PTPRB: variants seen among roughly 807,000 people sequenced by gnomAD.
PTPRB encodes the protein protein tyrosine phosphatase receptor type B, also known as receptor-type tyrosine-protein phosphatase beta.
A neutral mutation model predicts 238.1 loss-of-function variants in PTPRB; 97 were observed. That is an observed-to-expected ratio of 0.41 (90% CI 0.35 to 0.48). The LOEUF (loss-of-function observed/expected upper bound fraction) is 0.48. PTPRB is among the 20% of genes least tolerant of loss of function. The pLI is 0.30. For synonymous variants in PTPRB, 970 were observed against 995.4 expected (o/e 0.97, Z 0.48); for missense variants, 2,292 against 2,681.9 (o/e 0.85, Z 3.21).
intron 4 of PTPRB, 27 bp from the exon 5 acceptor site, chr12:70,596,354 C>CAA (rs58070382): frequency 0.011 from 11,758 of 1,112,858 alleles, 12 homozygotes; most frequent in African/African-American, 0.014. Flanking sequence ...CACACACACA[C>CAA]AAAAAAAAAA....
At chr12:70,585,795 C>T (rs1020405440) in intron 9 of PTPRB, among the ~76,000 whole-genome samples, 2 of 151,832 alleles carry the variant, frequency 1.3e-5, no homozygotes, top group African/African-American at 2.4e-5. Context: ...ATCCCTCCCC[C>T]GACCCCCGAC....
intron 15 of PTPRB, among the ~76,000 whole-genome samples, chr12:70,563,929 G>A (rs549724894): frequency 6.6e-6 from 1 of 152,202 alleles, no homozygotes; most frequent in Non-Finnish European, 1.5e-5. Flanking sequence ...CAGGGCCCCT[G>A]CATTCATTCA....
chr12:70,531,951 T>G, intron 32 of PTPRB, 84 bp downstream of exon 32: 1 of 1,486,996 alleles, frequency 6.7e-7, no homozygotes, highest in South Asian at 1.2e-5. Flanking sequence ...TATTTCCCCT[T>G]GTCAGATTAA....
At position 70,576,436 on chromosome 12, in the gene PTPRB, T is replaced by C. The variant is rs778223763; in HGVS notation, c.2788A>G (p.Ile930Val). The C allele has an allele frequency of 7.5e-6, 12 of 1,609,278 alleles. No individual in the cohort carries two copies. Among genetic ancestry groups the C allele is most frequent in the Non-Finnish European group, 8.5e-6 (10 of 1,177,844 alleles). ...LTPGRLYTVTITTRSGKYENH... is the reference protein window; with the variant it reads ...LTPGRLYTVTVTTRSGKYENH... Reference sequence around the variant, plus strand: ...TCATACTTGCCACTCCTTGTAGTTATGGTCACGGTGTAGAGGCGGCCTGGG... The same window carrying C: ...TCATACTTGCCACTCCTTGTAGTTACGGTCACGGTGTAGAGGCGGCCTGGG... Residue 930 changes from isoleucine (I) to valine (V), a missense_variant, in exon 11 of 34, where the codon ATA (isoleucine) becomes GTA (valine). Physicochemically the swap from Ile to Val is conservative, Grantham distance 29 (BLOSUM62 3). This residue lies in a region of PTPRB where 1,205 missense variants were observed against 1,287.8 expected (regional missense o/e 0.94). Coordinates refer to ENST00000334414, the MANE Select transcript of PTPRB (RefSeq NM_001109754.4).
intron 3 of PTPRB, chr12:70,609,685 C>T: frequency 1.3e-5 from 18 of 1,429,968 alleles, no homozygotes; most frequent in Non-Finnish European, 1.7e-5. Context: ...ACCCGATAGA[C>T]GAGAAAGTGG....
At position 70,576,662 on chromosome 12, in the gene PTPRB, T is replaced by TGTGG. The variant is rs1555230173; in HGVS notation, c.2579-18_2579-17insCCAC. ...TGGAAGGGACTGTGATTTTGAAAGG[T>TGTGG]GGGGGGCGGGGGGGGGGGGGAAGGG... On this transcript the variant is annotated splice_polypyrimidine_tract_variant and intron_variant, in intron 10 of 33. Coordinates refer to ENST00000334414, the MANE Select transcript of PTPRB (RefSeq NM_001109754.4). 6.6e-5 allele frequency: 1 copy of TGTGG among 15,194 alleles called. No individual in the cohort carries two copies. The highest frequency in any genetic ancestry group is 3.3e-4 in the African/African-American group (1 of 3,076). 0.9% of individuals were successfully genotyped at this position (15,194 alleles called of 1,614,324 possible).
At chr12:70,541,056 A>G (rs1875015188) in intron 22 of PTPRB, 99 bp from the exon 23 acceptor site, 1 of 958,834 alleles carries the variant, frequency 1.0e-6, no homozygotes, top group Non-Finnish European at 1.6e-6. Context: ...AAGTAATGTT[A>G]TTACAAATAG....
At chr12:70,630,292 A>G (rs1343749057) in intron 2 of PTPRB, among the ~76,000 whole-genome samples, 1 of 152,208 alleles carries the variant, frequency 6.6e-6, no homozygotes, top group Non-Finnish European at 1.5e-5. Flanking sequence ...GTAATCCATC[A>G]CATAAACAGA....
chr12:70,601,932 A>C (rs1273516682), intron 4 of PTPRB, among the ~76,000 whole-genome samples: 2 of 150,158 alleles, frequency 1.3e-5, no homozygotes, highest in Non-Finnish European at 3.0e-5. Flanking sequence ...CTGGGACTAC[A>C]GGCGCCCGCC....
Position 70,590,245 on chromosome 12 carries a change from AATG to A in PTPRB, c.1781-15_1781-13del. On this transcript the variant is annotated splice_polypyrimidine_tract_variant and intron_variant, in intron 7 of 33. Transcript: ENST00000334414. ...AACTTTGTCTGGAACTAAACGGTGA[AATG>A]ATGTCAAAAAGGAGATATTACAGAC... is the stretch of plus-strand genomic sequence containing the variant. 6.5e-7 allele frequency: 1 copy of A among 1,531,982 alleles called. No homozygotes were observed. Among genetic ancestry groups the A allele is most frequent in the Non-Finnish European group, 8.8e-7 (1 of 1,139,968 alleles). The allele number at this position is 1,531,982 out of a possible 1,614,324, so 94.9% of individuals were successfully genotyped here. A position where few individuals can be genotyped will look rare whatever the true frequency, so the allele number is the denominator to read the frequency against.
At chr12:70,573,594 C>T (rs1441280264) in intron 11 of PTPRB, among the ~76,000 whole-genome samples, 2 of 148,062 alleles carry the variant, frequency 1.4e-5, no homozygotes, top group African/African-American at 5.0e-5. Flanking sequence ...GGAACCTCTG[C>T]CTTCTGGTTC....
rs540135291 is a variant in PTPRB at position 70,520,264 on chromosome 12, C to A, written c.*1225G>T. 2 of 456,952 alleles carry A rather than the reference C, an allele frequency of 4.4e-6. No homozygotes were observed. The highest frequency in any genetic ancestry group is 6.7e-5 in the East Asian group (1 of 14,986). 28.3% of individuals were successfully genotyped at this position (456,952 alleles called of 1,614,324 possible). On this transcript the variant is annotated 3_prime_UTR_variant, in exon 34 of 34. Coordinates refer to ENST00000334414, the MANE Select transcript of PTPRB (RefSeq NM_001109754.4). ...CTGACTCATTGGAATTTGTTATAGT[C>A]AAAGTAAGTAAGGCACAAATATTGA...
At chr12:70,568,708 A>G (rs946619902) in intron 14 of PTPRB, among the ~76,000 whole-genome samples, 1 of 152,194 alleles carries the variant, frequency 6.6e-6, no homozygotes, top group African/African-American at 2.4e-5. Flanking sequence ...GAAGCCCCAG[A>G]CCCCACAACT....
intron 23 of PTPRB, chr12:70,540,314 A>G (rs1252788095): frequency 3.4e-6 from 1 of 296,768 alleles, no homozygotes; most frequent in East Asian, 5.7e-5. Context: ...AAAATCCAGT[A>G]AATTTCAGAT....
chr12:70,538,080 T>A, intron 28 of PTPRB, 75 bp downstream of exon 28: 1 of 1,197,844 alleles, frequency 8.3e-7, no homozygotes, highest in Non-Finnish European at 1.2e-6. Context: ...AACAGGAACA[T>A]GGAGGAGTGG....
At chr12:70,599,905 G>A (rs1453280290) in intron 4 of PTPRB, among the ~76,000 whole-genome samples, 5 of 151,926 alleles carry the variant, frequency 3.3e-5, no homozygotes, top group African/African-American at 1.2e-4. Flanking sequence ...AGGTATTGGA[G>A]GCTATAGTGC....
intron 3 of PTPRB, among the ~76,000 whole-genome samples, chr12:70,620,287 T>C (rs1455737910): frequency 3.3e-5 from 5 of 152,160 alleles, no homozygotes; most frequent in Non-Finnish European, 7.4e-5. Context: ...CAGTGCTGGG[T>C]TGGCCCACTG....
rs1296384788 is a variant in PTPRB at position 70,635,840 on chromosome 12, G to C, written c.282C>G (p.Thr94=). 2 of 1,613,454 alleles carry C rather than the reference G, an allele frequency of 1.2e-6. No individual in the cohort carries two copies. Among genetic ancestry groups the C allele is most frequent in the Non-Finnish European group, 8.5e-7 (1 of 1,179,752 alleles). ...LDRCSQAPRW[T]CYDQEGFLEV... ...CAAGGAAGCCTTCCTGATCATAGCA[G>C]GTCCATCGGGGTGCCTGGGAACAGC... Residue 94 remains threonine (T), a synonymous_variant, in exon 2 of 34, where the codon ACC becomes ACG. Coordinates refer to ENST00000334414, the MANE Select transcript of PTPRB (RefSeq NM_001109754.4).
intron 28 of PTPRB, among the ~76,000 whole-genome samples, chr12:70,536,583 C>T (rs61930285): frequency 7.9e-5 from 12 of 152,164 alleles, no homozygotes; most frequent in Non-Finnish European, 1.5e-4. Flanking sequence ...GGAAGCATCA[C>T]GGAAGAGAAA....
Sources: allele counts gnomAD v4.1 joint callset (sites outside exome capture counted in the v4.1 genomes callset), GRCh38; gene constraint gnomAD v4.1.1; regional missense constraint gnomAD v4.1.1; transcripts MANE v1.5; gene names NCBI Gene and HGNC (gene_info 2026-07-23, HGNC 2026-07-21).